ATP2C2: variants seen among roughly 807,000 people sequenced by gnomAD.
ATP2C2 encodes the protein ATPase secretory pathway Ca2+ transporting 2.
A neutral mutation model predicts 110.8 loss-of-function variants in ATP2C2; 171 were observed. The ratio of observed to expected loss-of-function variants is 1.54; its 90% confidence interval spans 1.36 to 1.75. ATP2C2 has a LOEUF of 1.75. ATP2C2 is among the 40% of genes most tolerant of loss of function. The pLI is 0.00. For missense variants in ATP2C2, 1,963 were observed against 1,235.0 expected (o/e 1.59, Z -8.84); for synonymous variants, 804 against 508.4 (o/e 1.58, Z -7.82).
At chr16:84,455,324 A>C (rs8064169) in intron 21 of ATP2C2, among the ~76,000 whole-genome samples, 76,377 of 151,916 alleles carry the variant, frequency 0.5, 19,625 homozygotes, top group Non-Finnish European at 0.56. Context: ...GCAGCTGAAT[A>C]TGTAAGGAAA....
chr16:84,461,800 C>A lies in ATP2C2; in HGVS notation c.2568C>A (p.Thr856=). 2 of 1,614,120 alleles carry A rather than the reference C, an allele frequency of 1.2e-6. No individual in the cohort carries two copies. Among genetic ancestry groups the A allele is most frequent in the South Asian group, 1.1e-5 (1 of 91,082 alleles). Residue 856 remains threonine, a synonymous_variant, in exon 25 of 27, where the codon ACC becomes ACA. Transcript: ENST00000262429. ...FVFFDLFNAL[T]CRSQTKLIFE... is the part of the protein sequence containing the mutation. ...TTTTCGATCTCTTCAACGCCTTGAC[C>A]TGCCGCTCTCAGGTGAGACCCGGGC...
At chr16:84,450,012 G>A (rs1910112500) in intron 17 of ATP2C2, among the ~76,000 whole-genome samples, 1 of 152,264 alleles carries the variant, frequency 6.6e-6, no homozygotes, top group African/African-American at 2.4e-5. Flanking sequence ...GCCCTGCCTA[G>A]TGCAGCCAGC....
rs1313717489 is a variant in ATP2C2, at chr16:84,448,692, C to G, written c.1660+3C>G. 2 of 1,610,130 alleles carry G rather than the reference C, an allele frequency of 1.2e-6. No individual in the cohort carries two copies. Among genetic ancestry groups the G allele is most frequent in the Non-Finnish European group, 1.7e-6 (2 of 1,177,702 alleles). ...GATGGGGTCGCTCGGTTTGCGGGGT[C>G]AGTGCCTGTGGTCCCGGCCCAGAGC... On this transcript the variant is annotated splice_donor_region_variant and intron_variant, in intron 17 of 26. Coordinates refer to ENST00000262429, the MANE Select transcript of ATP2C2 (RefSeq NM_014861.4).
At chr16:84,390,324 C>T (rs1456164934) in intron 1 of ATP2C2, among the ~76,000 whole-genome samples, 2 of 152,248 alleles carry the variant, frequency 1.3e-5, no homozygotes, top group Non-Finnish European at 2.9e-5. Context: ...AGCTCCAACT[C>T]ACCTTTCAGC....
At chr16:84,405,355 C>G (rs1042884173) in intron 3 of ATP2C2, 111 bp downstream of exon 3, 4 of 899,624 alleles carry the variant, frequency 4.4e-6, no homozygotes, top group Non-Finnish European at 6.7e-6. Context: ...GCTCCCGCCC[C>G]TTTCACGCTG....
intron 1 of ATP2C2, among the ~76,000 whole-genome samples, chr16:84,370,908 T>G (rs1387406543): frequency 6.6e-6 from 1 of 152,176 alleles, no homozygotes; most frequent in Non-Finnish European, 1.5e-5. Context: ...AAGGTAAATT[T>G]TACTCTCGTC....
intron 20 of ATP2C2, among the ~76,000 whole-genome samples, chr16:84,454,216 G>C (rs171577): frequency 6.6e-6 from 1 of 151,912 alleles, no homozygotes; most frequent in Non-Finnish European, 1.5e-5. Context: ...GGTTGGTAGA[G>C]AATTAAACAA....
At chr16:84,462,936 T>G (rs575905723) in intron 26 of ATP2C2, 3 of 153,612 alleles carry the variant, frequency 2.0e-5, no homozygotes, top group African/African-American at 7.2e-5. Flanking sequence ...CAGGCAAGAC[T>G]GGGATGGTCA....
intron 17 of ATP2C2, among the ~76,000 whole-genome samples, chr16:84,449,025 C>T (rs1490807703): frequency 6.6e-6 from 1 of 152,334 alleles, no homozygotes; most frequent in East Asian, 1.9e-4. Flanking sequence ...ACCCGAAGTT[C>T]TTTTCAGTCA....
intron 15 of ATP2C2, among the ~76,000 whole-genome samples, chr16:84,443,877 T>A (rs1249042370): frequency 6.6e-6 from 1 of 152,030 alleles, no homozygotes; most frequent in Non-Finnish European, 1.5e-5. Context: ...GTAAGAACAT[T>A]GGAAAGTCAT....
intron 18 of ATP2C2, among the ~76,000 whole-genome samples, chr16:84,452,695 C>T (rs1451386084): frequency 6.6e-6 from 1 of 152,082 alleles, no homozygotes; most frequent in Non-Finnish European, 1.5e-5. Context: ...GACGGGGTTT[C>T]ACTGTGTTGC....
At chr16:84,461,955 C>A in intron 25 of ATP2C2, 33 bp from the exon 26 acceptor site, 5 of 1,610,106 alleles carry the variant, frequency 3.1e-6, no homozygotes, top group Non-Finnish European at 4.2e-6. Context: ...GTGTGGACAG[C>A]ACACAATCCC....
At chr16:84,394,292 T>A (rs1904842489) in intron 1 of ATP2C2, among the ~76,000 whole-genome samples, 1 of 152,160 alleles carries the variant, frequency 6.6e-6, no homozygotes, top group Non-Finnish European at 1.5e-5. Context: ...CAATGTCGTG[T>A]GACCACCACT....
intron 17 of ATP2C2, among the ~76,000 whole-genome samples, chr16:84,451,466 T>G (rs1910256990): frequency 6.6e-6 from 1 of 152,216 alleles, no homozygotes; most frequent in South Asian, 2.1e-4. Flanking sequence ...TGGAGGCATC[T>G]CTGCCCTCCC....
chr16:84,398,453 G>T (rs113275450), intron 1 of ATP2C2, 46 bp from the exon 2 acceptor site: 6 of 1,264,318 alleles, frequency 4.7e-6, no homozygotes, highest in Admixed American at 2.6e-5. Context: ...AAATTAATCA[G>T]TACAAAAGTT....
intron 1 of ATP2C2, among the ~76,000 whole-genome samples, chr16:84,385,154 GCTT>G (rs1286057723): frequency 6.6e-6 from 1 of 152,174 alleles, no homozygotes; most frequent in Non-Finnish European, 1.5e-5. Flanking sequence ...AAGCACAGTG[GCTT>G]CTTCTGGGAA....
intron 17 of ATP2C2, among the ~76,000 whole-genome samples, chr16:84,451,558 C>T (rs950270115): frequency 6.6e-6 from 1 of 152,174 alleles, no homozygotes; most frequent in African/African-American, 2.4e-5. Flanking sequence ...TAACAAAGGG[C>T]TGCGCACGTT....
intron 1 of ATP2C2, among the ~76,000 whole-genome samples, chr16:84,381,634 T>G (rs886972740): frequency 2.0e-5 from 3 of 152,172 alleles, no homozygotes; most frequent in African/African-American, 7.2e-5. Context: ...GTCTTTTCCC[T>G]CATAGATTCA....
chr16:84,406,092 T>C (rs529338426), intron 3 of ATP2C2, among the ~76,000 whole-genome samples: 5 of 152,362 alleles, frequency 3.3e-5, no homozygotes, highest in African/African-American at 1.2e-4. Flanking sequence ...CAAAGTCACA[T>C]AGCTGTGAGG....
Sources: allele counts gnomAD v4.1 joint callset (sites outside exome capture counted in the v4.1 genomes callset), GRCh38; gene constraint gnomAD v4.1.1; transcripts MANE v1.5; gene names NCBI Gene and HGNC (gene_info 2026-07-23, HGNC 2026-07-21).